B4GALT6: variants seen among roughly 807,000 people sequenced by gnomAD.
B4GALT6 encodes beta-1,4-galactosyltransferase 6.
B4GALT6 carries 14 observed loss-of-function variants against 46.3 expected under a neutral mutation model. The observed-to-expected ratio is 0.30, with a 90% CI of 0.20 to 0.47. The LOEUF (loss-of-function observed/expected upper bound fraction) is 0.47. B4GALT6 is among the 20% of genes least tolerant of loss of function. The pLI is 0.99. For synonymous variants in B4GALT6, 168 were observed against 162.0 expected (o/e 1.04, Z -0.28); for missense variants, 386 against 480.1 (o/e 0.80, Z 1.83).
chr18:31,631,055 T>A lies in B4GALT6; in HGVS notation c.680A>T (p.His227Leu). The stretch of plus-strand genomic sequence containing the variant: ...ATTTTCAGGTAGATGATCCACATCG[T>A]GGAAGATTACACAGTCCCAGACACT... ...KDSVWDCVIF[H>L]DVDHLPENDR... The change falls in exon 6 of 9, where the codon CAC becomes CTC. Residue 227 changes from histidine to leucine, a missense_variant. Physicochemically the swap from His to Leu is moderately conservative, Grantham distance 99. Coordinates refer to ENST00000306851, the MANE Select transcript of B4GALT6 (RefSeq NM_004775.5). 1 of 1,614,228 alleles carries A rather than the reference T, an allele frequency of 6.2e-7. No individual in the cohort carries two copies. The highest frequency in any genetic ancestry group is 8.5e-7 in the Non-Finnish European group (1 of 1,180,032).
chr18:31,696,518 T>G, the B4GALT6 span, among the ~76,000 whole-genome samples: 2 of 152,212 alleles, frequency 1.3e-5, no homozygotes, highest in African/African-American at 4.8e-5. Context: ...TTTTAATGTG[T>G]AAATTTTTAT....
At chr18:31,631,603 T>A (rs954509301) in intron 5 of B4GALT6, among the ~76,000 whole-genome samples, 59 of 152,232 alleles carry the variant, frequency 3.9e-4, no homozygotes, top group African/African-American at 1.3e-3. Flanking sequence ...GGATATAGAT[T>A]ACTTGTGGCG....
rs193172384 is a variant in B4GALT6, at chr18:31,653,570, T to C, written c.346+4406A>G. ...CGATACTCCACCTCAGCCTCCCAAG[T>C]AGCTGGGACTACAGGCACGCACCAC... On this transcript the variant is annotated intron_variant, in intron 3 of 8. Transcript: ENST00000306851. 2.8e-3 allele frequency among the ~76,000 whole-genome samples: 424 copies of C among 149,490 alleles called. 1 individual carries two copies. Among genetic ancestry groups the C allele is most frequent in the African/African-American group, 9.4e-3 (383 of 40,682 alleles).
chr18:31,631,344 G>A lies in B4GALT6; in HGVS notation c.589-198C>T, dbSNP rs528822847. On this transcript the variant is annotated intron_variant, in intron 5 of 8. Coordinates refer to ENST00000306851, the MANE Select transcript of B4GALT6 (RefSeq NM_004775.5). The stretch of plus-strand genomic sequence containing the variant: ...TGGGATTGCAGGTGTGAGCCACCGC[G>A]CCCGGCCCCCATCTGACTTTTTTCT... 2.5e-3 allele frequency among the ~76,000 whole-genome samples: 383 copies of A among 151,920 alleles called. 2 individuals are homozygous for A. Among genetic ancestry groups the A allele is most frequent in the African/African-American group, 9.0e-3 (371 of 41,430 alleles).
In B4GALT6 at chr18:31,684,447, G is replaced by A. The variant is rs750588879; in HGVS notation, c.-21C>T. The A allele has an allele frequency of 5.0e-6, 8 of 1,610,836 alleles. No homozygotes were observed. The Admixed American group carries it at 1.3e-4, about 27-fold the overall frequency. On this transcript the variant is annotated 5_prime_UTR_variant, in exon 1 of 9. Transcript: ENST00000306851. ...GACATCTTCCTCTTCCCTGCCAGCAGCCCAGGCTGCGCTCTCAGGCCGGAC... is the reference window on the plus strand; with the variant it reads ...GACATCTTCCTCTTCCCTGCCAGCAACCCAGGCTGCGCTCTCAGGCCGGAC...
chr18:31,678,001 A>C (rs1285397266), intron 1 of B4GALT6, among the ~76,000 whole-genome samples: 1 of 152,206 alleles, frequency 6.6e-6, no homozygotes, highest in Non-Finnish European at 1.5e-5. Flanking sequence ...ATTTCTACTT[A>C]AGACAAACAT....
chr18:31,723,614 C>A, the B4GALT6 span, among the ~76,000 whole-genome samples: 2 of 152,122 alleles, frequency 1.3e-5, no homozygotes, highest in African/African-American at 4.8e-5. Flanking sequence ...CCCAAAACCC[C>A]TCCTACAGAA....
chr18:31,646,315 T>C (rs1321789588), intron 3 of B4GALT6, among the ~76,000 whole-genome samples: 1 of 152,170 alleles, frequency 6.6e-6, no homozygotes. Context: ...ATGTATACCA[T>C]TGAAACAGGA....
At chr18:31,634,738 G>A (rs2073836805) in intron 5 of B4GALT6, among the ~76,000 whole-genome samples, 1 of 152,156 alleles carries the variant, frequency 6.6e-6, no homozygotes, top group Non-Finnish European at 1.5e-5. Flanking sequence ...CTGTCTAGCA[G>A]AAAAATTACT....
chr18:31,722,055 G>A, the B4GALT6 span, among the ~76,000 whole-genome samples: 1 of 152,124 alleles, frequency 6.6e-6, no homozygotes, highest in Non-Finnish European at 1.5e-5. Context: ...GTGAAATTAT[G>A]CATACACAAG....
At chr18:31,686,113 T>C (rs1340949134), upstream of B4GALT6, 1 of 152,276 alleles carries the variant, frequency 6.6e-6, no homozygotes, top group African/African-American at 2.4e-5. Flanking sequence ...ACTGTCCAGG[T>C]CCTTAGCTGT....
At chr18:31,724,373 T>C in the B4GALT6 span, 1 of 1,070,216 alleles carries the variant, frequency 9.3e-7, no homozygotes, top group Non-Finnish European at 1.2e-6. Context: ...CCGCTCCAGC[T>C]GACCTCTGAC....
chr18:31,630,951 C>A lies in B4GALT6; in HGVS notation c.776+8G>T, dbSNP rs779944668. ...CGTACAATATCAGGAATAGTGCACA[C>A]TACTTACATATACATGTATTTATCC... On this transcript the variant is annotated splice_region_variant and intron_variant, in intron 6 of 8. Coordinates refer to ENST00000306851, the MANE Select transcript of B4GALT6 (RefSeq NM_004775.5). 3.1e-6 allele frequency: 5 copies of A among 1,613,698 alleles called. No individual in the cohort carries two copies. The highest frequency in any genetic ancestry group is 4.2e-6 in the Non-Finnish European group (5 of 1,179,708).
chr18:31,668,964 C>T (rs1276355992), intron 1 of B4GALT6, among the ~76,000 whole-genome samples: 8 of 150,822 alleles, frequency 5.3e-5, no homozygotes, highest in African/African-American at 1.7e-4. Context: ...TGAGCCGAGC[C>T]AGGACTGCGC....
chr18:31,674,447 A>G (rs2074393366), intron 1 of B4GALT6, among the ~76,000 whole-genome samples: 1 of 152,230 alleles, frequency 6.6e-6, no homozygotes, highest in African/African-American at 2.4e-5. Context: ...GAGATCCTTA[A>G]AAGTTACAGA....
intron 2 of B4GALT6, among the ~76,000 whole-genome samples, chr18:31,663,431 T>C (rs1172739008): frequency 1.3e-5 from 2 of 152,222 alleles, no homozygotes. Context: ...GAATACGTCT[T>C]GTTTTCATAA....
chr18:31,703,933 T>A, the B4GALT6 span, among the ~76,000 whole-genome samples: 2 of 152,192 alleles, frequency 1.3e-5, no homozygotes, highest in Non-Finnish European at 2.9e-5. Flanking sequence ...CAGTGCTTTA[T>A]GATTCAGAAG....
the B4GALT6 span, among the ~76,000 whole-genome samples, chr18:31,710,003 G>C: frequency 6.6e-6 from 1 of 151,438 alleles, no homozygotes; most frequent in Non-Finnish European, 1.5e-5. Flanking sequence ...GCTGAAACAG[G>C]AGAATTGCTT....
chr18:31,684,238 G>GA (rs2144761844), intron 1 of B4GALT6, 74 bp downstream of exon 1: 1 of 1,597,184 alleles, frequency 6.3e-7, no homozygotes, highest in African/African-American at 1.3e-5. Context: ...CCAAATCCCA[G>GA]AAGTAACATC....
Sources: gnomAD v4.1 joint callset for allele counts (sites outside exome capture counted in the v4.1 genomes callset) on GRCh38, gnomAD v4.1.1 for gene constraint, MANE v1.5 for transcripts, NCBI Gene and HGNC (gene_info 2026-07-23, HGNC 2026-07-21) for gene names.